The following CALCR variants were observed in gnomAD, a reference collection of about 807,000 sequenced individuals.
CALCR encodes the protein calcitonin receptor.
A neutral mutation model predicts 59.5 loss-of-function variants in CALCR; 47 were observed. The observed-to-expected ratio is 0.79, with a 90% CI of 0.63 to 1.01. The LOEUF is 1.01. Among genes scored for constraint, CALCR ranks in the 50% least tolerant of loss-of-function variants. The pLI is 0.00. For synonymous variants in CALCR, 213 were observed against 211.3 expected, an observed-to-expected ratio of 1.01 and a Z score of -0.07; for missense variants, 566 against 597.1, an observed-to-expected ratio of 0.95 and a Z score of 0.54.
intron 2 of CALCR, among the ~76,000 whole-genome samples, chr7:93,533,007 T>C (rs1788886234): frequency 6.6e-6 from 1 of 151,904 alleles, no homozygotes; most frequent in Non-Finnish European, 1.5e-5. Flanking sequence ...GGTAATTCTC[T>C]AAAAATAACC....
intron 8 of CALCR, among the ~76,000 whole-genome samples, chr7:93,449,175 T>A (rs893496227): frequency 2.0e-5 from 3 of 152,078 alleles, no homozygotes; most frequent in African/African-American, 7.2e-5. Context: ...TGATCTCTAA[T>A]GATTAAAGAT....
chr7:93,494,368 G>A (rs1051112590), intron 2 of CALCR, among the ~76,000 whole-genome samples: 1 of 151,332 alleles, frequency 6.6e-6, no homozygotes, highest in Non-Finnish European at 1.5e-5. Context: ...TAGAAAAGGG[G>A]ACCCCCATGG....
Position 93,487,008 on chromosome 7 carries a change from CT to C in CALCR, c.-26-2del. ...TTTGATTTTTGAAGATCTCTTTGTC[CT>C]AGAAAAATATAAAAGCAACAAAGAC... On this transcript the variant is annotated splice_acceptor_variant, in intron 2 of 13. Transcript: ENST00000426151. LOFTEE classifies it low-confidence loss of function (5UTR_SPLICE). 6.6e-7 allele frequency: 1 copy of C among 1,520,504 alleles called. No homozygotes were observed. Among genetic ancestry groups the C allele is most frequent in the Non-Finnish European group, 9.1e-7 (1 of 1,101,770 alleles). 94.2% of individuals were successfully genotyped at this position (1,520,504 alleles called of 1,614,324 possible).
chr7:93,498,936 T>C (rs1203360675), intron 2 of CALCR, among the ~76,000 whole-genome samples: 4 of 151,302 alleles, frequency 2.6e-5, no homozygotes, highest in Admixed American at 2.6e-4. Flanking sequence ...TATGGCATAA[T>C]GGAAAAAAAA....
intron 9 of CALCR, among the ~76,000 whole-genome samples, chr7:93,441,313 T>C (rs1799898487): frequency 1.3e-5 from 2 of 152,048 alleles, no homozygotes; most frequent in African/African-American, 4.8e-5. Flanking sequence ...AGAAAGTATG[T>C]GTGTGTTTGT....
chr7:93,559,149 G>T (rs1207461649), intron 2 of CALCR, among the ~76,000 whole-genome samples: 3 of 152,164 alleles, frequency 2.0e-5, no homozygotes, highest in African/African-American at 7.2e-5. Flanking sequence ...GAGAAAATAT[G>T]GTAAGACTGG....
chr7:93,542,729 T>C (rs35381804), intron 2 of CALCR, among the ~76,000 whole-genome samples: 13,256 of 152,152 alleles, frequency 0.087, 651 homozygotes, highest in African/African-American at 0.1. Flanking sequence ...TTTTTTAAAT[T>C]AATTTTTTTC....
At chr7:93,530,511 AT>A (rs1788803839) in intron 2 of CALCR, among the ~76,000 whole-genome samples, 1 of 152,168 alleles carries the variant, frequency 6.6e-6, no homozygotes, top group Non-Finnish European at 1.5e-5. Context: ...TTACATAAAA[AT>A]AATCTCAAAT....
chr7:93,568,509 TTCTCTCTCTCTCTCTCTC>T lies in CALCR; in HGVS notation c.-27+5762_-27+5779del, dbSNP rs4015269. On this transcript the variant is annotated intron_variant, in intron 2 of 13. Transcript: ENST00000426151. ...CCTCCCTGGTTTCCATAAAATTACT[TTCTCTCTCTCTCTCTCTC>T]TCTCTCTCTCTCTCTCTCTCTCTCT... 1.2e-3 allele frequency among the ~76,000 whole-genome samples: 127 copies of T among 102,430 alleles called. 1 individual carries two copies. Among genetic ancestry groups the T allele is most frequent in the Middle Eastern group, 5.7e-3 (1 of 174 alleles). 67.2% of individuals were successfully genotyped at this position (102,430 alleles called of 152,430 possible). A position where few individuals can be genotyped will look rare whatever the true frequency, so the allele number is the denominator to read the frequency against.
chr7:93,492,583 G>A (rs10278100), intron 2 of CALCR, among the ~76,000 whole-genome samples: 4 of 151,174 alleles, frequency 2.6e-5, no homozygotes, highest in East Asian at 1.9e-4. Context: ...AAGCATACAC[G>A]CACACACGTA....
At position 93,475,255 on chromosome 7, in the gene CALCR, C is replaced by T. The variant is rs541824725; in HGVS notation, c.316+2303G>A. On this transcript the variant is annotated intron_variant, in intron 5 of 13. Transcript: ENST00000426151. Reference sequence around the variant, plus strand: ...TTTTCAAGCAAAAGATGTTTTCAAGCAACCTATTAGAATCATTACTGCTTC... The same window carrying T: ...TTTTCAAGCAAAAGATGTTTTCAAGTAACCTATTAGAATCATTACTGCTTC... Among the ~76,000 whole-genome samples, 3 of 151,684 alleles carry T rather than the reference C, an allele frequency of 2.0e-5. No homozygotes were observed. In the South Asian group the frequency reaches 6.2e-4, roughly 31 times the overall value.
intron 2 of CALCR, among the ~76,000 whole-genome samples, chr7:93,565,197 A>G (rs1207382160): frequency 6.6e-6 from 1 of 152,214 alleles, no homozygotes; most frequent in Non-Finnish European, 1.5e-5. Context: ...TTCATGGCAG[A>G]ACTATTACCT....
chr7:93,487,046 T>A, intron 2 of CALCR, 39 bp from the exon 3 acceptor site: 2 of 1,025,360 alleles, frequency 2.0e-6, no homozygotes, highest in Non-Finnish European at 3.0e-6. Context: ...AAAATTAATA[T>A]ATCTCTAATA....
At chr7:93,572,324 A>G (rs921938096) in intron 2 of CALCR, among the ~76,000 whole-genome samples, 1 of 152,124 alleles carries the variant, frequency 6.6e-6, no homozygotes, top group Non-Finnish European at 1.5e-5. Flanking sequence ...GTCTGGTGGA[A>G]ACCCTCTTGG....
chr7:93,477,510 C>T (rs1191278301), intron 5 of CALCR, 48 bp downstream of exon 5: 31 of 1,311,486 alleles, frequency 2.4e-5, no homozygotes, highest in Non-Finnish European at 3.1e-5. Flanking sequence ...ACCATGAAAA[C>T]TCTAAAAGCT....
chr7:93,487,658 T>C (rs1467209703), intron 2 of CALCR, among the ~76,000 whole-genome samples: 1 of 151,478 alleles, frequency 6.6e-6, no homozygotes, highest in Non-Finnish European at 1.5e-5. Context: ...GCTCTGCAGA[T>C]AATTTTACAC....
chr7:93,556,514 A>C (rs1480797059), intron 2 of CALCR, among the ~76,000 whole-genome samples: 2 of 152,082 alleles, frequency 1.3e-5, no homozygotes, highest in Non-Finnish European at 2.9e-5. Flanking sequence ...TTTTATGTGT[A>C]AAAGTTTTCC....
rs570075105 is a variant in CALCR, at chr7:93,543,756, GTTTT to G, written c.-27+30529_-27+30532del. Among the ~76,000 whole-genome samples, 65 of 151,464 alleles carry G rather than the reference GTTTT, an allele frequency of 4.3e-4. 2 individuals carry two copies. The highest frequency in any genetic ancestry group is 1.5e-3 in the African/African-American group (63 of 41,256). On this transcript the variant is annotated intron_variant, in intron 2 of 13. Coordinates refer to ENST00000426151, the MANE Select transcript of CALCR (RefSeq NM_001742.4). ...TTTGGCTAAGATTTTTTTCCAATGA[GTTTT>G]TTTTCAGGTCCAATATTTTTTAAAC...
intron 2 of CALCR, among the ~76,000 whole-genome samples, chr7:93,559,068 C>CA (rs141070728): frequency 0.017 from 2,636 of 151,720 alleles, 78 homozygotes; most frequent in African/African-American, 0.06. Flanking sequence ...ATAACAACAA[C>CA]AAAAAAAATT....
Sources: gnomAD v4.1 joint callset for allele counts (sites outside exome capture counted in the v4.1 genomes callset) on GRCh38, gnomAD v4.1.1 for gene constraint, MANE v1.5 for transcripts, NCBI Gene and HGNC (gene_info 2026-07-23, HGNC 2026-07-21) for gene names.